The following CELSR1 variants were observed in gnomAD, a reference collection of about 807,000 sequenced individuals.
CELSR1 encodes the protein adhesion G protein-coupled receptor C1.
A neutral mutation model predicts 249.1 loss-of-function variants in CELSR1; 110 were observed. That is an observed-to-expected ratio of 0.44 (90% confidence interval 0.38 to 0.52). The LOEUF (loss-of-function observed/expected upper bound fraction) is 0.52. CELSR1 is among the 20% of genes least tolerant of loss of function. CELSR1 has a pLI of 0.00. For synonymous variants in CELSR1, 2,113 were observed against 1,900.0 expected, an observed-to-expected ratio of 1.11 and a Z score of -2.92; for missense variants, 4,109 against 4,296.4, an observed-to-expected ratio of 0.96 and a Z score of 1.22.
intron 2 of CELSR1, among the ~76,000 whole-genome samples, chr22:46,458,467 A>G (rs983131689): frequency 6.6e-5 from 10 of 152,180 alleles, no homozygotes; most frequent in African/African-American, 2.4e-4. Flanking sequence ...CAGCAGAGAG[A>G]AGAACTGGGC....
At chr22:46,387,360 A>C (rs1399478077) in intron 18 of CELSR1, among the ~76,000 whole-genome samples, 4 of 151,904 alleles carry the variant, frequency 2.6e-5, no homozygotes, top group Non-Finnish European at 5.9e-5. Context: ...CAAATAGATA[A>C]GGAAGTCTTT....
chr22:46,381,854 G>A lies in CELSR1; in HGVS notation c.7080C>T (p.Arg2360=). 6.4e-7 allele frequency: 1 copy of A among 1,556,002 alleles called. No individual in the cohort carries two copies. Among genetic ancestry groups the A allele is most frequent in the Non-Finnish European group, 8.7e-7 (1 of 1,153,966 alleles). ...CCGTGCCCAGGCCTTACCGGAGGCTGCGACGGTCGGGGTCGTAGCGCTCGG... is the reference window on the plus strand; with the variant it reads ...CCGTGCCCAGGCCTTACCGGAGGCTACGACGGTCGGGGTCGTAGCGCTCGG... ...LLPERYDPDR[R]SLRLPHRPII... Residue 2360 remains arginine, a synonymous_variant, in exon 21 of 35, where the codon CGC becomes CGT. Coordinates refer to ENST00000674500, the MANE Select transcript of CELSR1 (RefSeq NM_001378328.1). The surrounding 1 kb of genome is among the most constrained non-coding windows in gnomAD (Gnocchi z 6.0).
chr22:46,396,550 G>A lies in CELSR1; in HGVS notation c.5843+55C>T. On this transcript the variant is annotated intron_variant, in intron 13 of 34. Transcript: ENST00000674500. The surrounding 1 kb of genome is among the most constrained non-coding windows in gnomAD (Gnocchi z 6.4). ...AGAAAGAGAAGACACTGAGTCGAGG[G>A]AACACAGCCACATGGACTCTGAAGG... 6.9e-7 allele frequency: 1 copy of A among 1,452,782 alleles called. No individual in the cohort carries two copies. The highest frequency in any genetic ancestry group is 2.6e-5 in the East Asian group (1 of 38,814). 90.0% of individuals were successfully genotyped at this position (1,452,782 alleles called of 1,614,324 possible). A position where few individuals can be genotyped will look rare whatever the true frequency, so the allele number is the denominator to read the frequency against.
In CELSR1 at chr22:46,537,302, C is replaced by T; in HGVS notation, c.-132G>A. 1 of 969,256 alleles carries T rather than the reference C, an allele frequency of 1.0e-6. No homozygotes were observed. The allele number at this position is 969,256 out of a possible 1,614,324, so 60.0% of individuals were successfully genotyped here. ...CTCGGGGCGGTCCGCGTCCCGCCTCCCCGGGGGCCCTGGCGGGGACTGTGG... is the reference window on the plus strand; with the variant it reads ...CTCGGGGCGGTCCGCGTCCCGCCTCTCCGGGGGCCCTGGCGGGGACTGTGG... On this transcript the variant is annotated 5_prime_UTR_variant, in exon 1 of 35. Transcript: ENST00000674500. The surrounding 1 kb of genome is among the most constrained non-coding windows in gnomAD (Gnocchi z 5.8).
At chr22:46,444,978 G>A (rs936235572) in intron 2 of CELSR1, among the ~76,000 whole-genome samples, 4 of 152,198 alleles carry the variant, frequency 2.6e-5, no homozygotes, top group Non-Finnish European at 5.9e-5. Context: ...GGCTGAGGTG[G>A]GTGGATCACC....
intron 1 of CELSR1, among the ~76,000 whole-genome samples, chr22:46,497,676 C>T (rs181951314): frequency 4.2e-4 from 64 of 152,088 alleles, no homozygotes; most frequent in Admixed American, 4.2e-3. Flanking sequence ...ACTTTTTTTC[C>T]AAATAAGTCA....
At chr22:46,462,076 G>A (rs930386113) in intron 2 of CELSR1, among the ~76,000 whole-genome samples, 1 of 152,254 alleles carries the variant, frequency 6.6e-6, no homozygotes, top group African/African-American at 2.4e-5. Flanking sequence ...GCAGGTGTGG[G>A]CTGTGGGAGG....
rs2079819276 is a variant in CELSR1, at chr22:46,446,267, T to A, written c.4184-6856A>T. 6.6e-6 allele frequency among the ~76,000 whole-genome samples: 1 copy of A among 152,158 alleles called. No individual in the cohort carries two copies. Among genetic ancestry groups the A allele is most frequent in the African/African-American group, 2.4e-5 (1 of 41,440 alleles). Reference sequence around the variant, plus strand: ...CTCTCTCTTAGTCTCTGCATGTGGCTTTCCAGTGCCTGGAGGCCACCCGCA... The same window carrying A: ...CTCTCTCTTAGTCTCTGCATGTGGCATTCCAGTGCCTGGAGGCCACCCGCA... On this transcript the variant is annotated intron_variant, in intron 2 of 34. Transcript: ENST00000674500. This position sits in a 1 kb window ranked among gnomAD's most constrained non-coding sequence, Gnocchi z 5.5.
rs1295489491 is a variant in CELSR1 at position 46,433,841 on chromosome 22, C to T, written c.4523-360G>A. ...CTGGGATTACAGGCACCCACCACCA[C>T]ACCCGGCTAATTTTTGTATTTTTAG... On this transcript the variant is annotated intron_variant, in intron 4 of 34. Transcript: ENST00000674500. The surrounding 1 kb of genome is among the most constrained non-coding windows in gnomAD (Gnocchi z 5.7). Among the ~76,000 whole-genome samples, 1 of 152,100 alleles carries T rather than the reference C, an allele frequency of 6.6e-6. No individual in the cohort carries two copies. Among genetic ancestry groups the T allele is most frequent in the Non-Finnish European group, 1.5e-5 (1 of 68,016 alleles).
At chr22:46,376,608 G>T (rs887548298) in intron 24 of CELSR1, among the ~76,000 whole-genome samples, 2 of 152,108 alleles carry the variant, frequency 1.3e-5, no homozygotes, top group African/African-American at 4.8e-5. Flanking sequence ...GACCTCAAGT[G>T]ATCTGCCTGC....
rs1035081189 is a variant in CELSR1 at position 46,433,315 on chromosome 22, G to A, written c.4611+78C>T. ...CTCTCAAAGTGCTGGGATTACAGGC[G>A]TGAGCCACTGCGCCTCGCCCCAGGG... On this transcript the variant is annotated intron_variant, in intron 5 of 34. Transcript: ENST00000674500. This position sits in a 1 kb window ranked among gnomAD's most constrained non-coding sequence, Gnocchi z 5.7. 77 of 1,089,658 alleles carry A rather than the reference G, an allele frequency of 7.1e-5. No homozygotes were observed. Among genetic ancestry groups the A allele is most frequent in the Non-Finnish European group, 1.0e-4 (73 of 731,564 alleles). The allele number at this position is 1,089,658 out of a possible 1,614,324, so 67.5% of individuals were successfully genotyped here.
rs1202404932 is a variant in CELSR1 at position 46,490,237 on chromosome 22, G to A, written c.3545-25892C>T. 6.6e-6 allele frequency among the ~76,000 whole-genome samples: 1 copy of A among 152,204 alleles called. No homozygotes were observed. Among genetic ancestry groups the A allele is most frequent in the African/African-American group, 2.4e-5 (1 of 41,466 alleles). The stretch of plus-strand genomic sequence containing the variant: ...CTAATTTCCATCTCATGAGACAGGA[G>A]CCAAAAGAGGGATTCCCCAGGGTCA... On this transcript the variant is annotated intron_variant, in intron 1 of 34. Coordinates refer to ENST00000674500, the MANE Select transcript of CELSR1 (RefSeq NM_001378328.1). The surrounding 1 kb of genome is among the most constrained non-coding windows in gnomAD (Gnocchi z 5.2).
chr22:46,450,570 A>G (rs774533073), intron 2 of CELSR1, among the ~76,000 whole-genome samples: 3 of 152,224 alleles, frequency 2.0e-5, no homozygotes, highest in Non-Finnish European at 2.9e-5. Context: ...TGGGTCACAC[A>G]GCTGCATGGG....
intron 1 of CELSR1, among the ~76,000 whole-genome samples, chr22:46,515,743 G>C (rs2080620205): frequency 6.6e-6 from 1 of 152,172 alleles, no homozygotes; most frequent in African/African-American, 2.4e-5. Context: ...TGTGTAACAG[G>C]CTCCCAGCAG....
rs1016605396 is a variant in CELSR1, at chr22:46,406,340, A to C, written c.5226+2656T>G. On this transcript the variant is annotated intron_variant, in intron 9 of 34. Transcript: ENST00000674500. This position sits in a 1 kb window ranked among gnomAD's most constrained non-coding sequence, Gnocchi z 5.4. ...AACAAGGGCCCACAGGCCAGCTGTAATCATCCCTGGCGCACACCACACCTT... is the reference window on the plus strand; with the variant it reads ...AACAAGGGCCCACAGGCCAGCTGTACTCATCCCTGGCGCACACCACACCTT... 2.0e-5 allele frequency among the ~76,000 whole-genome samples: 3 copies of C among 152,202 alleles called. No homozygotes were observed. Among genetic ancestry groups the C allele is most frequent in the African/African-American group, 7.2e-5 (3 of 41,446 alleles).
Position 46,472,133 on chromosome 22 carries a change from T to C in CELSR1, c.3545-7788A>G, listed in dbSNP as rs534759289. ...TTCCCGGGAAGGGTGAGTCACCTCA[T>C]TGTGGCTGAGACATGGGAAGGAGAC... On this transcript the variant is annotated intron_variant, in intron 1 of 34. Transcript: ENST00000674500. This position sits in a 1 kb window ranked among gnomAD's most constrained non-coding sequence, Gnocchi z 7.0. 4.6e-5 allele frequency among the ~76,000 whole-genome samples: 7 copies of C among 152,224 alleles called. No individual in the cohort carries two copies. Among genetic ancestry groups the C allele is most frequent in the African/African-American group, 9.6e-5 (4 of 41,540 alleles).
rs1461401473 is a variant in CELSR1, at chr22:46,361,475, A to C, written c.*1748T>G. ...AGAATCCTGTTAAAGTCATGAAAGG[A>C]GACTGTTCGAAGACTTAAAAACCTT... On this transcript the variant is annotated 3_prime_UTR_variant, in exon 35 of 35. Coordinates refer to ENST00000674500, the MANE Select transcript of CELSR1 (RefSeq NM_001378328.1). 1.3e-5 allele frequency: 2 copies of C among 152,362 alleles called. No individual in the cohort carries two copies. The highest frequency in any genetic ancestry group is 4.8e-5 in the African/African-American group (2 of 41,460). The allele number at this position is 152,362 out of a possible 1,614,324, so 9.4% of individuals were successfully genotyped here. A position where few individuals can be genotyped will look rare whatever the true frequency, so the allele number is the denominator to read the frequency against.
chr22:46,481,317 C>A (rs2080264166), intron 1 of CELSR1: 3 of 636,780 alleles, frequency 4.7e-6, no homozygotes, highest in Admixed American at 2.4e-5. Context: ...TGGCCACTGG[C>A]AAAGACTTTT....
In CELSR1 at chr22:46,433,514, C is replaced by G. The variant is rs776044428; in HGVS notation, c.4523-33G>C. On this transcript the variant is annotated intron_variant, in intron 4 of 34. Transcript: ENST00000674500. This position sits in a 1 kb window ranked among gnomAD's most constrained non-coding sequence, Gnocchi z 5.7. Reference sequence around the variant, plus strand: ...GTGGGAGGGAGACCCAGAGAGAAAACAGGGGTTGGCGGGGCCTACTGGGGA... The same window carrying G: ...GTGGGAGGGAGACCCAGAGAGAAAAGAGGGGTTGGCGGGGCCTACTGGGGA... 5.7e-6 allele frequency: 9 copies of G among 1,578,856 alleles called. 1 individual carries two copies. The South Asian group carries it at 6.7e-5, about 12-fold the overall frequency.
Sources: gnomAD v4.1 joint callset for allele counts (sites outside exome capture counted in the v4.1 genomes callset) on GRCh38, gnomAD v4.1.1 for gene constraint, Gnocchi (gnomAD v3.1) non-coding constraint, MANE v1.5 for transcripts, NCBI Gene and HGNC (gene_info 2026-07-23, HGNC 2026-07-21) for gene names.